Variants in FAAH2 observed in about 807,000 individuals in gnomAD.
FAAH2 encodes fatty acid amide hydrolase 2.
FAAH2 carries 60 observed loss-of-function variants against 36.9 expected under a neutral mutation model. The observed-to-expected ratio is 1.63, with a 90% CI of 1.32 to 2.02. The LOEUF (loss-of-function observed/expected upper bound fraction) is 2.02. Ranked by LOEUF, FAAH2 falls within the 30% of genes most tolerant of loss-of-function variation. FAAH2 has a pLI of 0.00. For missense variants in FAAH2, 689 were observed against 397.5 expected, an observed-to-expected ratio of 1.73 and a Z score of -6.23; for synonymous variants, 214 against 143.8, an observed-to-expected ratio of 1.49 and a Z score of -3.49.
the FAAH2 span, among the ~76,000 whole-genome samples, chrX:57,160,461 G>A: frequency 4.5e-5 from 5 of 111,577 alleles, no homozygotes; most frequent in East Asian, 2.8e-4. Flanking sequence ...CTGTGAATCT[G>A]TCTGTTCCTG....
chrX:57,257,879 G>A, the FAAH2 span, among the ~76,000 whole-genome samples: 1 of 111,134 alleles, frequency 9.0e-6, no homozygotes, highest in East Asian at 2.8e-4. Flanking sequence ...AATCAATATT[G>A]CCAAAGTGTC....
At chrX:57,486,645 G>T (rs1161892000) in intron 10 of FAAH2, among the ~76,000 whole-genome samples, 2 of 111,651 alleles carry the variant, frequency 1.8e-5, no homozygotes, top group Non-Finnish European at 3.8e-5. Context: ...CATGGAATGA[G>T]ACAAGAGTGA....
chrX:57,330,165 C>T (rs1169017254), intron 3 of FAAH2, among the ~76,000 whole-genome samples: 1 of 111,891 alleles, frequency 8.9e-6, no homozygotes, highest in Non-Finnish European at 1.9e-5. Flanking sequence ...CACCGGTGAG[C>T]CGGGTGGAAC....
chrX:57,400,936 CA>C (rs2055417759), intron 7 of FAAH2, among the ~76,000 whole-genome samples: 1 of 110,856 alleles, frequency 9.0e-6, no homozygotes, highest in African/African-American at 3.3e-5. Context: ...TCCTGGCCAA[CA>C]CAGTGAAACC....
chrX:57,139,603 G>A, the FAAH2 span, among the ~76,000 whole-genome samples: 3 of 110,898 alleles, frequency 2.7e-5, no homozygotes, highest in Non-Finnish European at 3.8e-5. Flanking sequence ...ACAGGTGCCC[G>A]CCACCACACT....
intron 10 of FAAH2, among the ~76,000 whole-genome samples, chrX:57,467,125 C>T (rs766470261): frequency 6.7e-4 from 74 of 111,168 alleles, no homozygotes; most frequent in Admixed American, 2.4e-3. Flanking sequence ...GATTTGGGTT[C>T]CAAGATGGCC....
chrX:57,241,969 C>A, the FAAH2 span, among the ~76,000 whole-genome samples: 1 of 111,592 alleles, frequency 9.0e-6, no homozygotes, highest in Non-Finnish European at 1.9e-5. Context: ...ATTCCCATCT[C>A]CCTGGGACAG....
intron 7 of FAAH2, chrX:57,393,110 G>A (rs1351497947): frequency 1.0e-6 from 1 of 986,426 alleles, no homozygotes; most frequent in African/African-American, 1.9e-5. Context: ...GGCATCAAAA[G>A]CCCTCTGTTC....
chrX:57,346,325 A>C (rs1319766128), intron 5 of FAAH2, among the ~76,000 whole-genome samples: 2 of 111,751 alleles, frequency 1.8e-5, no homozygotes, highest in African/African-American at 3.2e-5. Context: ...TGTATATATA[A>C]GATAATTCAG....
At chrX:57,236,045 C>T in the FAAH2 span, among the ~76,000 whole-genome samples, 1 of 112,142 alleles carries the variant, frequency 8.9e-6, no homozygotes, top group Non-Finnish European at 1.9e-5. Context: ...CTACTCTTTA[C>T]TTCTGTGAGA....
At chrX:57,277,487 G>T in the FAAH2 span, among the ~76,000 whole-genome samples, 1 of 111,866 alleles carries the variant, frequency 8.9e-6, no homozygotes, top group Non-Finnish European at 1.9e-5. Context: ...GGCAAACCTG[G>T]AAGCATTCCC....
intron 5 of FAAH2, among the ~76,000 whole-genome samples, chrX:57,372,799 T>C (rs1338651715): frequency 9.1e-6 from 1 of 110,413 alleles, no homozygotes; most frequent in East Asian, 2.8e-4. Flanking sequence ...TAGTGGTGAT[T>C]TCTGAGATTT....
At chrX:57,193,136 T>G in the FAAH2 span, among the ~76,000 whole-genome samples, 2 of 111,980 alleles carry the variant, frequency 1.8e-5, no homozygotes, top group Admixed American at 1.9e-4. Context: ...GAAATATCAC[T>G]GAATTCTGTT....
At chrX:57,125,027 A>T in the FAAH2 span, among the ~76,000 whole-genome samples, 11 of 112,446 alleles carry the variant, frequency 9.8e-5, no homozygotes, top group Non-Finnish European at 2.1e-4. Flanking sequence ...CCTGGCCAGA[A>T]CTTCCAACAC....
the FAAH2 span, among the ~76,000 whole-genome samples, chrX:57,258,443 G>A: frequency 9.0e-6 from 1 of 110,531 alleles, no homozygotes; most frequent in Non-Finnish European, 1.9e-5. Flanking sequence ...ATAAATAATT[G>A]GGACTATATC....
intron 10 of FAAH2, among the ~76,000 whole-genome samples, chrX:57,481,897 G>GT (rs2147279988): frequency 8.9e-6 from 1 of 111,970 alleles, no homozygotes; most frequent in East Asian, 2.8e-4. Flanking sequence ...GGAGATGGTA[G>GT]TTTTGTCTGT....
At chrX:57,357,774 T>G (rs1426424287) in intron 5 of FAAH2, among the ~76,000 whole-genome samples, 2 of 111,625 alleles carry the variant, frequency 1.8e-5, no homozygotes, top group African/African-American at 6.5e-5. Context: ...GAAGACAGTG[T>G]GGTGATTGCT....
intron 9 of FAAH2, among the ~76,000 whole-genome samples, chrX:57,448,261 A>G (rs1000921240): frequency 8.9e-6 from 1 of 112,374 alleles, no homozygotes; most frequent in African/African-American, 3.2e-5. Flanking sequence ...ATGAGCCACC[A>G]TGCTCAGCTA....
At chrX:57,213,348 G>T in the FAAH2 span, among the ~76,000 whole-genome samples, 1 of 110,696 alleles carries the variant, frequency 9.0e-6, no homozygotes, top group East Asian at 2.9e-4. Context: ...TTCGATCTTT[G>T]TTATTTCTTT....
Sources: gnomAD v4.1 joint callset for allele counts (sites outside exome capture counted in the v4.1 genomes callset) on GRCh38, gnomAD v4.1.1 for gene constraint, MANE v1.5 for transcripts, NCBI Gene and HGNC (gene_info 2026-07-23, HGNC 2026-07-21) for gene names.